The following FBN3 variants were observed in gnomAD, a reference collection of about 807,000 sequenced individuals.
FBN3 encodes the protein fibrillin-3.
In FBN3, 234 loss-of-function variants were observed where a neutral mutation model predicts 330.1. The ratio of observed to expected loss-of-function variants is 0.71; its 90% CI spans 0.64 to 0.79. The LOEUF is 0.79. Ranked by LOEUF, FBN3 falls within the 30% of genes least tolerant of loss-of-function variation. The pLI, the probability that FBN3 is intolerant of heterozygous loss-of-function variation, is 0.00. For synonymous variants in FBN3, 1,458 were observed against 1,517.3 expected (o/e 0.96, Z 0.91); for missense variants, 3,606 against 3,886.9 (o/e 0.93, Z 1.92).
At chr19:8,146,369 C>T in intron 3 of FBN3, 144 bp from the exon 4 acceptor site, 1 of 703,660 alleles carries the variant, frequency 1.4e-6, no homozygotes, top group East Asian at 2.7e-5. Context: ...ACACCCCACC[C>T]CTGTTTTCAT....
intron 18 of FBN3, among the ~76,000 whole-genome samples, 177 bp from the exon 19 acceptor site, chr19:8,127,009 G>A (rs569897387): frequency 6.7e-6 from 1 of 148,370 alleles, no homozygotes; most frequent in South Asian, 2.1e-4. Context: ...GTGCTGAGCT[G>A]TGTGTGTACA....
In FBN3 at chr19:8,116,737, CT is replaced by C. The variant is rs767873971; in HGVS notation, c.3648del (p.Gly1218ValfsTer16). On this transcript the variant is annotated frameshift_variant, in exon 29 of 64. Coordinates refer to ENST00000600128, the MANE Select transcript of FBN3 (RefSeq NM_032447.5). LOFTEE classifies it high-confidence loss of function. ...VCDQGHCTNM[P>X]GGHRCLCYDG... is the part of the protein sequence containing the mutation. ...TCATAGCACAGGCAGCGGTGACCCC[CT>C]GGCATGTTGGTGCAGTGGCCTTGGT... 1.2e-6 allele frequency: 2 copies of C among 1,614,140 alleles called. No individual in the cohort carries two copies. Among genetic ancestry groups the C allele is most frequent in the East Asian group, 4.5e-5 (2 of 44,882 alleles).
chr19:8,130,645 G>A (rs867061908), intron 16 of FBN3, among the ~76,000 whole-genome samples: 3 of 58,314 alleles, frequency 5.1e-5, no homozygotes, highest in Admixed American at 1.7e-4. Flanking sequence ...AGAAAGAAAG[G>A]AAAGGAAAGG....
intron 47 of FBN3, among the ~76,000 whole-genome samples, chr19:8,094,215 C>T (rs2082160286): frequency 6.6e-6 from 1 of 152,136 alleles, no homozygotes; most frequent in African/African-American, 2.4e-5. Context: ...GACCCCACAC[C>T]CATGTCAATT....
At chr19:8,095,655 T>A in intron 45 of FBN3, 152 bp from the exon 46 acceptor site, 1 of 819,040 alleles carries the variant, frequency 1.2e-6, no homozygotes. Flanking sequence ...CTTCTACCTA[T>A]CTTATGAGGT....
At chr19:8,100,604 C>G (rs1168778441) in intron 41 of FBN3, among the ~76,000 whole-genome samples, 1 of 152,174 alleles carries the variant, frequency 6.6e-6, no homozygotes, top group Non-Finnish European at 1.5e-5. Context: ...TCCCAAAGTG[C>G]TGGGATGACA....
chr19:8,144,149 G>T (rs1163052146), intron 6 of FBN3, among the ~76,000 whole-genome samples: 2 of 151,940 alleles, frequency 1.3e-5, no homozygotes, highest in Admixed American at 1.3e-4. Flanking sequence ...TGGGTGTGGT[G>T]GCTCATTTTG....
intron 56 of FBN3, 117 bp from the exon 57 acceptor site, chr19:8,083,489 C>CGGGG: frequency 1.6e-6 from 2 of 1,236,554 alleles, no homozygotes; most frequent in Non-Finnish European, 2.3e-6. Flanking sequence ...GCCTCCCTTC[C>CGGGG]ACACCGGCCA....
chr19:8,110,445 C>T (rs533831781), intron 34 of FBN3, among the ~76,000 whole-genome samples: 24 of 152,280 alleles, frequency 1.6e-4, no homozygotes, highest in African/African-American at 4.8e-4. Flanking sequence ...CTGTTTGTGT[C>T]AATAAAGTTT....
Position 8,146,144 on chromosome 19 carries a change from C to T in FBN3, c.332G>A (p.Ser111Asn), listed in dbSNP as rs766044248. The change falls in exon 4 of 64, where the codon AGC becomes AAC. Residue 111 changes from serine to asparagine, a missense_variant. Ser to Asn is a conservative substitution (Grantham distance 46). Transcript: ENST00000600128. ...CTCADGTLAP[S>N]CGVSRGSGCS... ...CCGCTCACCTCGGCTCACCCCGCAG[C>T]TGGGAGCCAGCGTCCCATCCGCACA... The T allele has an allele frequency of 1.6e-5, 25 of 1,598,248 alleles. No individual in the cohort carries two copies. In the Admixed American group the frequency reaches 4.2e-4, roughly 27 times the overall value.
At position 8,083,281 on chromosome 19, in the gene FBN3, C is replaced by A. The variant is rs777521776; in HGVS notation, c.7179G>T (p.Gly2393=). 2.5e-6 allele frequency: 4 copies of A among 1,614,130 alleles called. No homozygotes were observed. In the South Asian group the frequency reaches 4.4e-5, roughly 18 times the overall value. The change falls in exon 57 of 64, where the codon GGG becomes GGT. Residue 2393 remains glycine, a synonymous_variant. Transcript: ENST00000600128. ...LGSFRCHCQA[G]YTPDATATTC... Reference sequence around the variant, plus strand: ...TAGTAGCAGTAGCATCCGGTGTGTACCCGGCCTGACAGTGGCAGCGGAAGG... The same window carrying A: ...TAGTAGCAGTAGCATCCGGTGTGTAACCGGCCTGACAGTGGCAGCGGAAGG...
chr19:8,073,098 G>A lies in FBN3; in HGVS notation c.7902C>T (p.Cys2634=), dbSNP rs375939940. 1.4e-5 allele frequency: 22 copies of A among 1,612,766 alleles called. No individual in the cohort carries two copies. In the East Asian group the frequency reaches 1.8e-4, roughly 13 times the overall value. Residue 2634 remains cysteine (C), a synonymous_variant, in exon 62 of 64, where the codon TGC becomes TGT. Coordinates refer to ENST00000600128, the MANE Select transcript of FBN3 (RefSeq NM_032447.5). ...CCCGGAAGTAGCCTTGAGGACAGCC[G>A]CACAGGAAGCCACCAGGCGTGTTGG... ...SCANTPGGFL[C]GCPQGYFRAG... is the part of the protein sequence containing the mutation.
intron 25 of FBN3, 37 bp from the exon 26 acceptor site, chr19:8,119,059 G>C (rs375616426): frequency 1.3e-6 from 2 of 1,572,814 alleles, no homozygotes; most frequent in Middle Eastern, 1.7e-4. Context: ...CAGGCATGAA[G>C]GTGCTGATGC....
chr19:8,112,612 T>C (rs1276665729), intron 30 of FBN3, among the ~76,000 whole-genome samples: 5 of 152,134 alleles, frequency 3.3e-5, no homozygotes, highest in African/African-American at 1.2e-4. Flanking sequence ...GTTGTGCCAC[T>C]GCACTCTAGC....
In FBN3 at chr19:8,109,213, C is replaced by A; in HGVS notation, c.4618+14G>T. ...GCTTAGGTCACGGTGTTCAACTGCC[C>A]CGCAGGGACTCACTGGTGTTGGCCA... On this transcript the variant is annotated intron_variant, in intron 36 of 63. Coordinates refer to ENST00000600128, the MANE Select transcript of FBN3 (RefSeq NM_032447.5). This position sits in a 1 kb window ranked among gnomAD's most constrained non-coding sequence, Gnocchi z 5.2. The A allele has an allele frequency of 6.2e-7, 1 of 1,613,780 alleles. No homozygotes were observed. Among genetic ancestry groups the A allele is most frequent in the Non-Finnish European group, 8.5e-7 (1 of 1,179,820 alleles).
intron 55 of FBN3, 70 bp downstream of exon 55, chr19:8,086,130 G>GGGGGGGACAGGCAGT: frequency 8.9e-7 from 1 of 1,121,340 alleles, no homozygotes. Flanking sequence ...AACAGGCAGT[G>GGGGGGGACAGGCAGT]GGGGGGGACA....
rs377489898 is a variant in FBN3 at position 8,126,475 on chromosome 19, G to T, written c.2547C>A (p.Cys849Ter). 72 of 1,611,814 alleles carry T rather than the reference G, an allele frequency of 4.5e-5. No individual in the cohort carries two copies. Among genetic ancestry groups the T allele is most frequent in the Admixed American group, 3.5e-4 (21 of 59,724 alleles). Residue 849 changes from cysteine (C) to a stop codon, truncating the protein, a stop_gained, in exon 20 of 64, where the codon TGC becomes TGA. Transcript: ENST00000600128. LOFTEE classifies it high-confidence loss of function. ...CCTCAAGGAGGATACTACCGATCTC[G>T]CAGCGTTCGCAGGGGCTCCCCCAGG... ...GAAWGSPCER[C>*]EIDPACARGF...
intron 22 of FBN3, 76 bp downstream of exon 22, chr19:8,125,816 G>C: frequency 1.4e-6 from 2 of 1,400,430 alleles, no homozygotes; most frequent in Non-Finnish European, 1.9e-6. Flanking sequence ...AATCTCTCCT[G>C]TTCCTCAAGT....
chr19:8,075,454 G>A, intron 59 of FBN3, 43 bp from the exon 60 acceptor site: 1 of 1,588,684 alleles, frequency 6.3e-7, no homozygotes, highest in South Asian at 1.1e-5. Flanking sequence ...GCTGGTTAAG[G>A]AACTCGTGTC....
Sources: gnomAD v4.1 joint callset for allele counts (sites outside exome capture counted in the v4.1 genomes callset) on GRCh38, gnomAD v4.1.1 for gene constraint, Gnocchi (gnomAD v3.1) non-coding constraint, MANE v1.5 for transcripts, NCBI Gene and HGNC (gene_info 2026-07-23, HGNC 2026-07-21) for gene names.